ADAM10: variants seen among roughly 807,000 people sequenced by gnomAD.
ADAM10 encodes ADAM metallopeptidase domain 10.
In ADAM10, 17 loss-of-function variants were observed where a neutral mutation model predicts 90.1. The ratio of observed to expected loss-of-function variants is 0.19; its 90% confidence interval spans 0.13 to 0.28. ADAM10 has a LOEUF of 0.28. Among genes scored for constraint, ADAM10 ranks in the 10% least tolerant of loss-of-function variants. The probability of loss-of-function intolerance (pLI) is 1.00; values close to 1 mark genes in which losing one functional copy is unlikely to be tolerated. For missense variants in ADAM10, 610 were observed against 914.3 expected (o/e 0.67, Z 4.29); for synonymous variants, 310 against 298.6 (o/e 1.04, Z -0.40).
intron 14 of ADAM10, among the ~76,000 whole-genome samples, chr15:58,608,138 C>T (rs1895329924): frequency 1.3e-5 from 2 of 152,182 alleles, no homozygotes; most frequent in South Asian, 2.1e-4. Context: ...TTCCGTGGTA[C>T]CAGTAGCAGC....
At chr15:58,627,558 T>C (rs1371392456) in intron 10 of ADAM10, 142 bp downstream of exon 10, 5 of 707,690 alleles carry the variant, frequency 7.1e-6, no homozygotes, top group East Asian at 5.5e-5. Flanking sequence ...GATTAAGAAA[T>C]AACGAGATAA....
chr15:58,705,070 T>C (rs1325760478), intron 2 of ADAM10, among the ~76,000 whole-genome samples: 1 of 152,212 alleles, frequency 6.6e-6, no homozygotes. Context: ...CACTGAAAAT[T>C]GTGCTTTACA....
chr15:58,721,750 G>A (rs79600980), intron 1 of ADAM10, among the ~76,000 whole-genome samples: 6,919 of 152,162 alleles, frequency 0.045, 532 homozygotes, highest in African/African-American at 0.16. Context: ...CCAGGTGGCC[G>A]GGTGTGGTAG....
At chr15:58,655,725 A>ATATATAGTG (rs1896808164) in intron 5 of ADAM10, among the ~76,000 whole-genome samples, 1 of 97,268 alleles carries the variant, frequency 1.0e-5, no homozygotes, top group Admixed American at 1.1e-4. Flanking sequence ...ATATATATAT[A>ATATATAGTG]TATATATATA....
chr15:58,647,246 G>GTCTTTTTTTTT (rs1323960397), intron 5 of ADAM10, among the ~76,000 whole-genome samples: 1 of 36,826 alleles, frequency 2.7e-5, no homozygotes, highest in Admixed American at 2.9e-4. Flanking sequence ...TAGACACTAA[G>GTCTTTTTTTTT]TATTTTTTTT....
intron 1 of ADAM10, among the ~76,000 whole-genome samples, chr15:58,729,031 C>A (rs767809239): frequency 3.3e-5 from 5 of 152,012 alleles, no homozygotes; most frequent in Non-Finnish European, 7.4e-5. Context: ...CTTAGAAGAC[C>A]AGAAGGTCCA....
In ADAM10 at chr15:58,663,969, A is replaced by G. The variant is rs74684034; in HGVS notation, c.585+1128T>C. ...CTCAACCCCTCTATCCAAATTGCCA[A>G]TACATTAGTACAGGCCACTATCACT... On this transcript the variant is annotated intron_variant, in intron 5 of 15. Coordinates refer to ENST00000260408, the MANE Select transcript of ADAM10 (RefSeq NM_001110.4). Among the ~76,000 whole-genome samples, 1,501 of 152,224 alleles carry G rather than the reference A, an allele frequency of 9.9e-3. 37 individuals carry two copies. Among genetic ancestry groups the G allele is most frequent in the African/African-American group, 0.034 (1,411 of 41,552 alleles).
intron 12 of ADAM10, 48 bp from the exon 13 acceptor site, chr15:58,611,155 C>T (rs199753168): frequency 1.1e-5 from 15 of 1,400,604 alleles, no homozygotes; most frequent in African/African-American, 1.4e-5. Context: ...TACAGTCAAA[C>T]CTATTTTTTA....
At chr15:58,669,422 T>C (rs1243131946) in intron 4 of ADAM10, among the ~76,000 whole-genome samples, 1 of 152,182 alleles carries the variant, frequency 6.6e-6, no homozygotes, top group African/African-American at 2.4e-5. Flanking sequence ...AAAGAGAGGA[T>C]ACCCAGAACT....
intron 9 of ADAM10, among the ~76,000 whole-genome samples, chr15:58,632,518 A>T (rs531600313): frequency 6.6e-6 from 1 of 152,350 alleles, no homozygotes; most frequent in African/African-American, 2.4e-5. Flanking sequence ...AAAGCAACAA[A>T]GACTGTACAA....
intron 1 of ADAM10, among the ~76,000 whole-genome samples, chr15:58,725,145 G>A (rs1004943425): frequency 2.6e-5 from 4 of 151,676 alleles, no homozygotes; most frequent in Non-Finnish European, 5.9e-5. Context: ...AGCTATGATC[G>A]TGCCACCACA....
chr15:58,672,524 T>C (rs1303957641), intron 4 of ADAM10: 1 of 152,000 alleles, frequency 6.6e-6, no homozygotes, highest in Non-Finnish European at 1.5e-5. Flanking sequence ...GAAACTTACA[T>C]CCCTCCTAAA....
At chr15:58,715,610 G>A (rs1898632649) in intron 2 of ADAM10, among the ~76,000 whole-genome samples, 1 of 152,190 alleles carries the variant, frequency 6.6e-6, no homozygotes, top group South Asian at 2.1e-4. Flanking sequence ...GCTCCTATGA[G>A]ATCTATGTTT....
At chr15:58,646,937 C>T (rs2140697413) in intron 5 of ADAM10, among the ~76,000 whole-genome samples, 1 of 152,276 alleles carries the variant, frequency 6.6e-6, no homozygotes, top group African/African-American at 2.4e-5. Context: ...TTCCAATCCT[C>T]CACACACAGT....
At chr15:58,643,126 C>A (rs1352804941) in intron 7 of ADAM10, among the ~76,000 whole-genome samples, 1 of 151,850 alleles carries the variant, frequency 6.6e-6, no homozygotes, top group African/African-American at 2.4e-5. Context: ...AAAAGCTATA[C>A]ATATATATTT....
intron 1 of ADAM10, chr15:58,747,634 T>C (rs1423391606): frequency 6.6e-6 from 1 of 152,194 alleles, no homozygotes; most frequent in Non-Finnish European, 1.5e-5. Context: ...AATTTTAAAA[T>C]AAAACTAATA....
chr15:58,717,164 C>T (rs1898687582), intron 2 of ADAM10, among the ~76,000 whole-genome samples: 1 of 106,440 alleles, frequency 9.4e-6, no homozygotes, highest in Admixed American at 1.0e-4. Flanking sequence ...GGTAATCTGT[C>T]TACCAGCTGT....
At chr15:58,683,272 A>C (rs574992142) in intron 2 of ADAM10, among the ~76,000 whole-genome samples, 7 of 152,260 alleles carry the variant, frequency 4.6e-5, no homozygotes, top group African/African-American at 1.7e-4. Context: ...ACAAAGTATT[A>C]CGTCTTTTTT....
rs749439192 is a variant in ADAM10, at chr15:58,621,262, C to CAAA, written c.1511+206_1511+208dup. Among the ~76,000 whole-genome samples the CAAA allele has an allele frequency of 5.3e-3, 133 of 25,266 alleles. 18 individuals are homozygous for CAAA. The highest frequency in any genetic ancestry group is 0.026 in the Middle Eastern group (1 of 38). 16.6% of individuals were successfully genotyped at this position (25,266 alleles called of 152,430 possible). On this transcript the variant is annotated intron_variant, in intron 11 of 15. Transcript: ENST00000260408. ...TGGGCAACAGAGCGAGACCCTGTCT[C>CAAA]AAAAAAAAAAAAAAAAAAAAAAAAA...
Sources: gnomAD v4.1 joint callset for allele counts (sites outside exome capture counted in the v4.1 genomes callset) on GRCh38, gnomAD v4.1.1 for gene constraint, MANE v1.5 for transcripts, NCBI Gene and HGNC (gene_info 2026-07-23, HGNC 2026-07-21) for gene names.